The following TAFA2 variants were observed in gnomAD, a reference collection of about 807,000 sequenced individuals.
TAFA2 encodes the protein TAFA chemokine like family member 2, also known as chemokine-like protein TAFA-2.
In TAFA2, 7 loss-of-function variants were observed where a neutral mutation model predicts 18.8. That is an observed-to-expected ratio of 0.37 (90% CI 0.21 to 0.70). The LOEUF (loss-of-function observed/expected upper bound fraction) is 0.70, where lower values mean the gene tolerates loss of function less well. Among genes scored for constraint, TAFA2 ranks in the 30% least tolerant of loss-of-function variants. The pLI is 0.53. For synonymous variants in TAFA2, 60 were observed against 54.2 expected, an observed-to-expected ratio of 1.11 and a Z score of -0.47; for missense variants, 122 against 158.1, an observed-to-expected ratio of 0.77 and a Z score of 1.23.
At chr12:61,839,849 C>G (rs981550793) in intron 2 of TAFA2, among the ~76,000 whole-genome samples, 1 of 151,768 alleles carries the variant, frequency 6.6e-6, no homozygotes, top group African/African-American at 2.4e-5. Context: ...ACATGTACCC[C>G]CTGAACCTAA....
At chr12:62,254,146 T>C (rs2062927466) in intron 1 of TAFA2, among the ~76,000 whole-genome samples, 1 of 152,240 alleles carries the variant, frequency 6.6e-6, no homozygotes, top group Non-Finnish European at 1.5e-5. Context: ...AACAACTTTG[T>C]GATCTTATTA....
intron 1 of TAFA2, among the ~76,000 whole-genome samples, chr12:62,093,086 T>A (rs1474434749): frequency 1.3e-5 from 2 of 152,064 alleles, no homozygotes; most frequent in Non-Finnish European, 2.9e-5. Context: ...GATTTGGTAT[T>A]CAACTTTATT....
At chr12:62,063,178 T>C (rs549618134) in intron 1 of TAFA2, among the ~76,000 whole-genome samples, 2 of 151,118 alleles carry the variant, frequency 1.3e-5, no homozygotes, top group Non-Finnish European at 3.0e-5. Context: ...CACACAGCCC[T>C]AGTGACTTGA....
chr12:62,050,525 T>C (rs1382857349), intron 1 of TAFA2, among the ~76,000 whole-genome samples: 8 of 151,564 alleles, frequency 5.3e-5, no homozygotes, highest in Admixed American at 3.9e-4. Flanking sequence ...TGAGCCGAGA[T>C]AGTGCCACTG....
At chr12:62,150,733 T>C (rs1035276053) in intron 1 of TAFA2, among the ~76,000 whole-genome samples, 3 of 151,994 alleles carry the variant, frequency 2.0e-5, no homozygotes, top group Non-Finnish European at 4.4e-5. Flanking sequence ...TGAAACCCCA[T>C]CTCTACCAAA....
upstream of TAFA2, among the ~76,000 whole-genome samples, chr12:62,193,214 T>C (rs911834633): frequency 7.9e-5 from 12 of 152,086 alleles, no homozygotes; most frequent in African/African-American, 2.4e-4. Context: ...TATTCAAAAA[T>C]GAATAATTAG....
intron 4 of TAFA2, among the ~76,000 whole-genome samples, chr12:61,736,637 G>A (rs1370722338): frequency 6.6e-6 from 1 of 151,910 alleles, no homozygotes; most frequent in Non-Finnish European, 1.5e-5. Flanking sequence ...GCTTGGGATA[G>A]CTCTGATTTA....
At chr12:61,918,007 T>C (rs1876897698) in intron 1 of TAFA2, among the ~76,000 whole-genome samples, 1 of 152,090 alleles carries the variant, frequency 6.6e-6, no homozygotes, top group Non-Finnish European at 1.5e-5. Context: ...AGAACCATGC[T>C]TATTTATTTT....
intron 1 of TAFA2, among the ~76,000 whole-genome samples, chr12:62,187,208 C>T (rs1019223011): frequency 1.3e-5 from 2 of 152,048 alleles, no homozygotes; most frequent in East Asian, 1.9e-4. Context: ...ACAGTGTCTC[C>T]GCATTGAGGA....
chr12:61,766,194 T>C (rs958798928), intron 2 of TAFA2, among the ~76,000 whole-genome samples: 1 of 152,070 alleles, frequency 6.6e-6, no homozygotes. Flanking sequence ...GGAAGATCCT[T>C]CTAAAAGTAA....
intron 1 of TAFA2, among the ~76,000 whole-genome samples, chr12:61,983,383 GTTTGTTTTGTTTTGTTTTGTTTTGT>G (rs10524394): frequency 3.4e-5 from 5 of 146,642 alleles, no homozygotes; most frequent in African/African-American, 1.0e-4. Context: ...CTGGGATTCT[GTTTGTTTTGTTTTGTTTTGTTTTGT>G]TTTGTTTTGT....
intron 1 of TAFA2, among the ~76,000 whole-genome samples, chr12:62,127,420 G>A (rs1301173845): frequency 1.3e-5 from 2 of 151,668 alleles, no homozygotes; most frequent in Non-Finnish European, 2.9e-5. Context: ...TCTTGTTGTT[G>A]AGTTATATAC....
At chr12:61,924,151 T>G (rs1473220131) in intron 1 of TAFA2, among the ~76,000 whole-genome samples, 1 of 152,012 alleles carries the variant, frequency 6.6e-6, no homozygotes, top group Admixed American at 6.6e-5. Flanking sequence ...AGGAACCAAG[T>G]TGGAAAACGC....
intron 1 of TAFA2, among the ~76,000 whole-genome samples, chr12:62,179,064 T>C (rs2062534380): frequency 2.6e-5 from 4 of 152,218 alleles, no homozygotes; most frequent in Non-Finnish European, 5.9e-5. Flanking sequence ...ATACAAATGT[T>C]TTGTAAACAA....
At chr12:62,142,901 T>A (rs530557107) in intron 1 of TAFA2, among the ~76,000 whole-genome samples, 1 of 152,192 alleles carries the variant, frequency 6.6e-6, no homozygotes, top group African/African-American at 2.4e-5. Flanking sequence ...TTAATCCTTA[T>A]GAGAACGCTA....
intron 1 of TAFA2, among the ~76,000 whole-genome samples, chr12:61,975,937 A>G (rs1171467438): frequency 6.6e-6 from 1 of 151,846 alleles, no homozygotes; most frequent in Non-Finnish European, 1.5e-5. Flanking sequence ...TGATACATTA[A>G]TTAGCTTGAT....
At chr12:61,912,557 CA>C in intron 1 of TAFA2, among the ~76,000 whole-genome samples, 1 of 152,066 alleles carries the variant, frequency 6.6e-6, no homozygotes, top group East Asian at 1.9e-4. Flanking sequence ...TTAGAACCTC[CA>C]AAGTTTTAGT....
At position 62,176,412 on chromosome 12, in the gene TAFA2, C is replaced by G. The variant is rs201926133; in HGVS notation, c.-2+14847G>C. Among the ~76,000 whole-genome samples the G allele has an allele frequency of 7.2e-5, 11 of 152,190 alleles. No individual in the cohort carries two copies. In the East Asian group the frequency reaches 2.1e-3, roughly 29 times the overall value. On this transcript the variant is annotated intron_variant, in intron 1 of 4. Coordinates refer to ENST00000416284, the MANE Select transcript of TAFA2 (RefSeq NM_178539.5). ...GCTGCATAGACTATTCCCACCCTACCCCCAAGAAACCCATTTCTTACACAG... is the reference window on the plus strand; with the variant it reads ...GCTGCATAGACTATTCCCACCCTACGCCCAAGAAACCCATTTCTTACACAG...
intron 1 of TAFA2, among the ~76,000 whole-genome samples, chr12:61,956,221 T>A (rs917013310): frequency 1.3e-5 from 2 of 152,154 alleles, no homozygotes; most frequent in Non-Finnish European, 2.9e-5. Flanking sequence ...TAGCAATGCA[T>A]TCCTTTATTG....
Sources: allele counts gnomAD v4.1 joint callset (sites outside exome capture counted in the v4.1 genomes callset), GRCh38; gene constraint gnomAD v4.1.1; transcripts MANE v1.5; gene names NCBI Gene and HGNC (gene_info 2026-07-23, HGNC 2026-07-21).